Variants in CDH4 observed in about 807,000 individuals in gnomAD.
The protein encoded by CDH4 is cadherin-4.
CDH4 carries 33 observed loss-of-function variants against 86.0 expected under a neutral mutation model. The ratio of observed to expected loss-of-function variants is 0.38; its 90% confidence interval spans 0.29 to 0.51. CDH4 has a LOEUF of 0.51. Ranked by LOEUF, CDH4 falls within the 20% of genes least tolerant of loss-of-function variation. The pLI, the probability that CDH4 is intolerant of heterozygous loss-of-function variation, is 0.86. For synonymous variants in CDH4, 555 were observed against 549.4 expected (o/e 1.01, Z -0.14); for missense variants, 1,114 against 1,307.4 (o/e 0.85, Z 2.28).
At chr20:61,605,776 T>C (rs1039033344) in intron 2 of CDH4, among the ~76,000 whole-genome samples, 4 of 152,052 alleles carry the variant, frequency 2.6e-5, no homozygotes, top group Admixed American at 2.6e-4. Flanking sequence ...TGACCTGTGG[T>C]GCAGAATTCA....
intron 2 of CDH4, among the ~76,000 whole-genome samples, chr20:61,464,836 G>A (rs988465214): frequency 6.6e-6 from 1 of 152,176 alleles, no homozygotes; most frequent in East Asian, 1.9e-4. Flanking sequence ...CTGTGGACTT[G>A]GAGCTGTTAC....
At chr20:61,654,351 T>C (rs879488873) in intron 2 of CDH4, among the ~76,000 whole-genome samples, 2 of 151,748 alleles carry the variant, frequency 1.3e-5, no homozygotes, top group Non-Finnish European at 2.9e-5. Flanking sequence ...GGCAGGGAGG[T>C]TGCAGTGAGC....
chr20:61,887,530 C>T (rs112083304), intron 7 of CDH4, among the ~76,000 whole-genome samples: 1 of 147,406 alleles, frequency 6.8e-6, no homozygotes, highest in African/African-American at 2.7e-5. Flanking sequence ...CATGCACACA[C>T]ACAATACACT....
chr20:61,741,382 C>A (rs866156488), intron 2 of CDH4, among the ~76,000 whole-genome samples: 27 of 152,194 alleles, frequency 1.8e-4, no homozygotes, highest in Non-Finnish European at 5.9e-5. Context: ...GTCCTTGGTT[C>A]ATATGGCTGA....
rs538053730 is a variant in CDH4, at chr20:61,714,248, G to T, written c.170-29315G>T. 1.4e-4 allele frequency among the ~76,000 whole-genome samples: 22 copies of T among 151,850 alleles called. No homozygotes were observed. In the South Asian group the frequency reaches 4.4e-3, roughly 30 times the overall value. On this transcript the variant is annotated intron_variant, in intron 2 of 15. Coordinates refer to ENST00000614565, the MANE Select transcript of CDH4 (RefSeq NM_001794.5). ...TTTTTAGTAGAGACGGGGTTTCACT[G>T]TGTTAGCCAGGATGGTCTCCATCTC...
chr20:61,521,413 G>A (rs1476076596), intron 2 of CDH4, among the ~76,000 whole-genome samples: 1 of 152,206 alleles, frequency 6.6e-6, no homozygotes, highest in Non-Finnish European at 1.5e-5. Flanking sequence ...GAAGATGGGA[G>A]GCAGCGTCAG....
intron 2 of CDH4, among the ~76,000 whole-genome samples, chr20:61,546,158 G>GTGTGTGT (rs1408514586): frequency 4.1e-5 from 6 of 145,634 alleles, no homozygotes; most frequent in Non-Finnish European, 9.1e-5. Context: ...ACATTCGTGA[G>GTGTGTGT]GGTGTGTGCC....
intron 2 of CDH4, among the ~76,000 whole-genome samples, chr20:61,394,820 C>T (rs1240773502): frequency 1.4e-5 from 2 of 146,002 alleles, no homozygotes; most frequent in South Asian, 2.7e-4. Context: ...AAACACTCTA[C>T]GAGCCCAACA....
intron 2 of CDH4, among the ~76,000 whole-genome samples, chr20:61,379,128 C>T (rs1191622368): frequency 1.3e-5 from 2 of 152,072 alleles, no homozygotes; most frequent in Non-Finnish European, 1.5e-5. Flanking sequence ...AAACTGGGCA[C>T]GTGGCCTGCC....
chr20:61,669,788 T>C (rs575266129), intron 2 of CDH4, among the ~76,000 whole-genome samples: 2 of 152,340 alleles, frequency 1.3e-5, no homozygotes, highest in Admixed American at 1.3e-4. Flanking sequence ...TTCTGACAGC[T>C]GTATTTTTGA....
At chr20:61,728,654 G>A (rs1218582514) in intron 2 of CDH4, among the ~76,000 whole-genome samples, 1 of 152,194 alleles carries the variant, frequency 6.6e-6, no homozygotes, top group Admixed American at 6.5e-5. Context: ...TGTGGGTTCT[G>A]TAAGAGAATG....
chr20:61,888,577 C>A (rs1048968067), intron 7 of CDH4, among the ~76,000 whole-genome samples: 1 of 152,244 alleles, frequency 6.6e-6, no homozygotes, highest in African/African-American at 2.4e-5. Flanking sequence ...TCAGGCCCAG[C>A]GAATGTCTGG....
At chr20:61,632,998 C>T (rs997648964) in intron 2 of CDH4, among the ~76,000 whole-genome samples, 7 of 151,676 alleles carry the variant, frequency 4.6e-5, no homozygotes, top group African/African-American at 1.5e-4. Flanking sequence ...ATCCATCTAC[C>T]CATCCATTCC....
intron 15 of CDH4, among the ~76,000 whole-genome samples, chr20:61,936,079 C>T (rs888541238): frequency 2.6e-5 from 4 of 151,994 alleles, no homozygotes; most frequent in Admixed American, 6.6e-5. Context: ...GCAACACCCA[C>T]GGCACTGCCA....
chr20:61,487,482 C>G (rs550362951), intron 2 of CDH4, among the ~76,000 whole-genome samples: 116 of 152,294 alleles, frequency 7.6e-4, no homozygotes, highest in Non-Finnish European at 4.1e-4. Context: ...GTACCATGAG[C>G]TTCAGCCTCT....
intron 4 of CDH4, among the ~76,000 whole-genome samples, chr20:61,790,845 ATCTC>A (rs1227444001): frequency 1.4e-5 from 2 of 146,084 alleles, no homozygotes; most frequent in South Asian, 2.2e-4. Flanking sequence ...CCATCCATTC[ATCTC>A]TCTATCCATT....
rs1251780753 is a variant in CDH4 at position 61,810,718 on chromosome 20, G to GT, written c.577-33949dup. 6.6e-6 allele frequency among the ~76,000 whole-genome samples: 1 copy of GT among 152,190 alleles called. No individual in the cohort carries two copies. Among genetic ancestry groups the GT allele is most frequent in the Non-Finnish European group, 1.5e-5 (1 of 68,046 alleles). On this transcript the variant is annotated intron_variant, in intron 4 of 15. Coordinates refer to ENST00000614565, the MANE Select transcript of CDH4 (RefSeq NM_001794.5). The surrounding 1 kb of genome is among the most constrained non-coding windows in gnomAD (Gnocchi z 4.3). ...AATCAGTACTCTGCCGCTAGATGACGTGTAGCCGCATTCAGGGTCTGGCTG... is the reference window on the plus strand; with the variant it reads ...AATCAGTACTCTGCCGCTAGATGACGTTGTAGCCGCATTCAGGGTCTGGCTG...
chr20:61,857,683 TTTTTA>T (rs1178647250), intron 6 of CDH4, among the ~76,000 whole-genome samples: 5 of 152,280 alleles, frequency 3.3e-5, no homozygotes, highest in Admixed American at 2.6e-4. Context: ...TCAAAAAATC[TTTTTA>T]TTTTGAGATA....
Position 61,923,691 on chromosome 20 carries a change from C to T in CDH4, c.1615C>T (p.Gln539Ter). 2 of 1,613,524 alleles carry T rather than the reference C, an allele frequency of 1.2e-6. No individual in the cohort carries two copies. The highest frequency in any genetic ancestry group is 1.7e-6 in the Non-Finnish European group (2 of 1,180,018). ...FSAVDPDRFM[Q>*]QAVRYSKLSD... ...AGCTGTGGACCCTGACCGGTTCATG[C>T]AGCAGGCTGTGAGGTGGGTGCACAG... is the stretch of plus-strand genomic sequence containing the variant. Residue 539 changes from glutamine to a stop codon, truncating the protein, a stop_gained, in exon 10 of 16, where the codon CAG becomes TAG. Coordinates refer to ENST00000614565, the MANE Select transcript of CDH4 (RefSeq NM_001794.5). LOFTEE classifies it high-confidence loss of function.
Sources: allele counts gnomAD v4.1 joint callset (sites outside exome capture counted in the v4.1 genomes callset), GRCh38; gene constraint gnomAD v4.1.1; non-coding constraint Gnocchi (gnomAD v3.1); transcripts MANE v1.5; gene names NCBI Gene and HGNC (gene_info 2026-07-23, HGNC 2026-07-21).